BCAS3: variants seen among roughly 807,000 people sequenced by gnomAD.
BCAS3 encodes BCAS4/BCAS3 fusion.
Under a neutral mutation model 116.1 loss-of-function variants are expected in BCAS3, and 53 were observed. The ratio of observed to expected loss-of-function variants is 0.46; its 90% CI spans 0.37 to 0.57. The LOEUF is 0.57. Ranked by LOEUF, BCAS3 falls within the 20% of genes least tolerant of loss-of-function variation. BCAS3 has a pLI of 0.00. For synonymous variants in BCAS3, 391 were observed against 408.2 expected, an observed-to-expected ratio of 0.96 and a Z score of 0.51; for missense variants, 917 against 1,165.4, an observed-to-expected ratio of 0.79 and a Z score of 3.10.
At chr17:61,047,994 A>G (rs1463132484) in intron 19 of BCAS3, among the ~76,000 whole-genome samples, 1 of 152,066 alleles carries the variant, frequency 6.6e-6, no homozygotes, top group African/African-American at 2.4e-5. Flanking sequence ...TAATAGAAAT[A>G]TACATTCATT....
chr17:61,370,858 G>A (rs2059008702), intron 23 of BCAS3, among the ~76,000 whole-genome samples: 1 of 152,230 alleles, frequency 6.6e-6, no homozygotes, highest in South Asian at 2.1e-4. Context: ...GCCCAGGTCA[G>A]CCTACTGCCC....
chr17:61,121,571 G>A (rs2075791058), intron 22 of BCAS3, among the ~76,000 whole-genome samples: 1 of 152,156 alleles, frequency 6.6e-6, no homozygotes, highest in African/African-American at 2.4e-5. Flanking sequence ...CAACTTTATG[G>A]TATTCATTCA....
At chr17:61,297,928 A>G (rs1303443544) in intron 22 of BCAS3, among the ~76,000 whole-genome samples, 1 of 152,198 alleles carries the variant, frequency 6.6e-6, no homozygotes, top group Non-Finnish European at 1.5e-5. Flanking sequence ...ACGACTACCA[A>G]TTAGTATTTT....
intron 22 of BCAS3, among the ~76,000 whole-genome samples, chr17:61,311,041 C>G (rs2054265410): frequency 6.6e-6 from 1 of 152,104 alleles, no homozygotes; most frequent in Non-Finnish European, 1.5e-5. Flanking sequence ...AAATAGTATA[C>G]CTACATCCTC....
At position 61,352,056 on chromosome 17, in the gene BCAS3, G is replaced by T. The variant is rs944685285; in HGVS notation, c.2426-16271G>T. Among the ~76,000 whole-genome samples the T allele has an allele frequency of 6.6e-6, 1 of 152,182 alleles. No homozygotes were observed. The highest frequency in any genetic ancestry group is 1.5e-5 in the Non-Finnish European group (1 of 68,036). On this transcript the variant is annotated intron_variant, in intron 22 of 23. Transcript: ENST00000407086. This position sits in a 1 kb window ranked among gnomAD's most constrained non-coding sequence, Gnocchi z 4.7. ...TTACCTATTTTTTTCCCCAATCTGAGGGATACAAGAAAACTATTCTAGTAG... is the reference window on the plus strand; with the variant it reads ...TTACCTATTTTTTTCCCCAATCTGATGGATACAAGAAAACTATTCTAGTAG...
intron 13 of BCAS3, among the ~76,000 whole-genome samples, chr17:60,942,585 T>C (rs996342466): frequency 6.6e-6 from 1 of 152,208 alleles, no homozygotes; most frequent in Non-Finnish European, 1.5e-5. Context: ...TTTATTAAAT[T>C]ATTTATAATA....
intron 22 of BCAS3, among the ~76,000 whole-genome samples, chr17:61,146,273 A>AT (rs112303266): frequency 0.039 from 5,424 of 137,570 alleles, 115 homozygotes; most frequent in Admixed American, 0.057. Flanking sequence ...CACCCAGCTG[A>AT]TTTTTTTTTT....
At chr17:61,001,992 A>G (rs541314432) in intron 15 of BCAS3, among the ~76,000 whole-genome samples, 75 of 152,090 alleles carry the variant, frequency 4.9e-4, no homozygotes, top group Non-Finnish European at 3.7e-4. Context: ...TTAAATGAAG[A>G]TTGTACAGTT....
intron 19 of BCAS3, among the ~76,000 whole-genome samples, chr17:61,067,514 C>T (rs1019977769): frequency 1.3e-5 from 2 of 148,700 alleles, no homozygotes; most frequent in African/African-American, 2.5e-5. Flanking sequence ...GTCAAAAGAT[C>T]GAGACCATCC....
At position 61,087,522 on chromosome 17, in the gene BCAS3, C is replaced by A. The variant is rs2073182814; in HGVS notation, c.2425+2958C>A. On this transcript the variant is annotated intron_variant, in intron 22 of 23. Coordinates refer to ENST00000407086, the MANE Select transcript of BCAS3 (RefSeq NM_017679.5). The surrounding 1 kb of genome is among the most constrained non-coding windows in gnomAD (Gnocchi z 4.6). ...ATATTTTATTTAAATCTTGGGTCTGCAGTTTATTTTCTAGATATCTATGTA... is the reference window on the plus strand; with the variant it reads ...ATATTTTATTTAAATCTTGGGTCTGAAGTTTATTTTCTAGATATCTATGTA... 1 of 152,164 alleles carries A rather than the reference C, an allele frequency of 6.6e-6. No homozygotes were observed. The allele number at this position is 152,164 out of a possible 1,614,324, so 9.4% of individuals were successfully genotyped here.
At chr17:61,153,970 T>C (rs8068031) in intron 22 of BCAS3, among the ~76,000 whole-genome samples, 6,683 of 152,262 alleles carry the variant, frequency 0.044, 489 homozygotes, top group African/African-American at 0.15. Context: ...ATTGTTTTGG[T>C]ATCCTTTCAC....
rs763181456 is a variant in BCAS3 at position 61,034,820 on chromosome 17, C to G, written c.1762+30C>G. On this transcript the variant is annotated intron_variant, in intron 17 of 23. Transcript: ENST00000407086. The surrounding 1 kb of genome is among the most constrained non-coding windows in gnomAD (Gnocchi z 5.0). ...GTATTTTTACTGAAAAATGAATGCT[C>G]TATTTGTAATTTTTGCTTCTTAAGG... The G allele has an allele frequency of 1.3e-6, 2 of 1,566,288 alleles. No individual in the cohort carries two copies. The highest frequency in any genetic ancestry group is 1.2e-5 in the South Asian group (1 of 84,124).
rs549994302 is a variant in BCAS3 at position 61,388,020 on chromosome 17, G to A, written c.2594-3957G>A. ...TGACCAGAATCTCCACACCTCTAAGGGGGGAGGTGGCTGGGGACACTTCCC... is the reference window on the plus strand; with the variant it reads ...TGACCAGAATCTCCACACCTCTAAGAGGGGAGGTGGCTGGGGACACTTCCC... On this transcript the variant is annotated intron_variant, in intron 23 of 23. Transcript: ENST00000407086. The surrounding 1 kb of genome is among the most constrained non-coding windows in gnomAD (Gnocchi z 6.5). Among the ~76,000 whole-genome samples, 2 of 152,128 alleles carry A rather than the reference G, an allele frequency of 1.3e-5. No homozygotes were observed. Among genetic ancestry groups the A allele is most frequent in the Non-Finnish European group, 2.9e-5 (2 of 68,024 alleles).
In BCAS3 at chr17:60,994,398, A is replaced by G. The variant is rs1421827641; in HGVS notation, c.1486+4163A>G. Among the ~76,000 whole-genome samples the G allele has an allele frequency of 6.6e-6, 1 of 152,108 alleles. No individual in the cohort carries two copies. Among genetic ancestry groups the G allele is most frequent in the Non-Finnish European group, 1.5e-5 (1 of 68,010 alleles). The stretch of plus-strand genomic sequence containing the variant: ...ATGGCTTGTAAGTATTATTCTGGGA[A>G]ACATTCCTCAGGCTTCCCCAGACTG... On this transcript the variant is annotated intron_variant, in intron 15 of 23. Coordinates refer to ENST00000407086, the MANE Select transcript of BCAS3 (RefSeq NM_017679.5). The surrounding 1 kb of genome is among the most constrained non-coding windows in gnomAD (Gnocchi z 4.4).
intron 6 of BCAS3, among the ~76,000 whole-genome samples, chr17:60,752,155 GGTGTGT>G (rs55713453): frequency 0.036 from 5,174 of 144,728 alleles, 287 homozygotes; most frequent in African/African-American, 0.12. Flanking sequence ...TTGGCTGAAG[GGTGTGT>G]GTGTGTGTGT....
chr17:60,921,420 C>T (rs533966259), intron 12 of BCAS3, among the ~76,000 whole-genome samples: 3 of 151,880 alleles, frequency 2.0e-5, no homozygotes, highest in Non-Finnish European at 2.9e-5. Context: ...GAGACCATCC[C>T]GGCTAAAACG....
chr17:61,019,562 G>A lies in BCAS3; in HGVS notation c.1637+3661G>A, dbSNP rs564348747. Among the ~76,000 whole-genome samples, 3 of 152,050 alleles carry A rather than the reference G, an allele frequency of 2.0e-5. No individual in the cohort carries two copies. Among genetic ancestry groups the A allele is most frequent in the East Asian group, 1.9e-4 (1 of 5,178 alleles). On this transcript the variant is annotated intron_variant, in intron 16 of 23. Transcript: ENST00000407086. The surrounding 1 kb of genome is among the most constrained non-coding windows in gnomAD (Gnocchi z 5.6). Reference sequence around the variant, plus strand: ...CCTTGTCAAAAGTAATATTTGATTCGTGAGAACCAAATATATTCTGTGAAT... The same window carrying A: ...CCTTGTCAAAAGTAATATTTGATTCATGAGAACCAAATATATTCTGTGAAT...
chr17:61,205,865 G>T lies in BCAS3; in HGVS notation c.2425+121301G>T, dbSNP rs540363231. 6.6e-6 allele frequency among the ~76,000 whole-genome samples: 1 copy of T among 152,110 alleles called. No homozygotes were observed. Among genetic ancestry groups the T allele is most frequent in the Non-Finnish European group, 1.5e-5 (1 of 68,020 alleles). ...TATTCTTAGGGTGTGAAACTGTTTC[G>T]GGAGCAAAAGATAAGGCAAACACAA... On this transcript the variant is annotated intron_variant, in intron 22 of 23. Coordinates refer to ENST00000407086, the MANE Select transcript of BCAS3 (RefSeq NM_017679.5). The surrounding 1 kb of genome is among the most constrained non-coding windows in gnomAD (Gnocchi z 5.2).
intron 7 of BCAS3, among the ~76,000 whole-genome samples, chr17:60,842,490 C>T (rs2052038869): frequency 1.3e-5 from 2 of 151,616 alleles, no homozygotes; most frequent in Admixed American, 6.6e-5. Context: ...AGAAAGTATA[C>T]TAGAACAATT....
Sources: allele counts gnomAD v4.1 joint callset (sites outside exome capture counted in the v4.1 genomes callset), GRCh38; gene constraint gnomAD v4.1.1; non-coding constraint Gnocchi (gnomAD v3.1); transcripts MANE v1.5; gene names NCBI Gene and HGNC (gene_info 2026-07-23, HGNC 2026-07-21).